Variants in NSD1 observed in about 807,000 individuals in gnomAD.
The protein encoded by NSD1 is histone-lysine N-methyltransferase, H3 lysine-36 specific.
A neutral mutation model predicts 242.7 loss-of-function variants in NSD1; 26 were observed. The ratio of observed to expected loss-of-function variants is 0.11; its 90% CI spans 0.08 to 0.15. The LOEUF (loss-of-function observed/expected upper bound fraction) is 0.15, where lower values mean the gene tolerates loss of function less well. Among genes scored for constraint, NSD1 ranks in the 10% least tolerant of loss-of-function variants. NSD1 has a pLI of 1.00. For missense variants in NSD1, 2,495 were observed against 3,272.8 expected (o/e 0.76, Z 5.80); for synonymous variants, 1,106 against 1,178.1 (o/e 0.94, Z 1.25).
intron 20 of NSD1, chr5:177,288,499 TTTTG>T (rs1759517646): frequency 3.1e-6 from 1 of 321,740 alleles, no homozygotes; most frequent in Non-Finnish European, 6.0e-6. Context: ...ATAAGTTGTT[TTTTG>T]TTTGTTTTGG....
chr5:177,182,588 T>G (rs1760781169), intron 2 of NSD1, among the ~76,000 whole-genome samples: 1 of 152,056 alleles, frequency 6.6e-6, no homozygotes, highest in Non-Finnish European at 1.5e-5. Flanking sequence ...TCTGGCTTTG[T>G]TTTTTCCTCC....
Position 177,267,633 on chromosome 5 carries a change from G to A in NSD1, c.5218G>A (p.Glu1740Lys), listed in dbSNP as rs1341227088. 1.2e-5 allele frequency: 20 copies of A among 1,614,036 alleles called. No homozygotes were observed. Among genetic ancestry groups the A allele is most frequent in the Non-Finnish European group, 1.5e-5 (18 of 1,179,994 alleles). The change falls in exon 15 of 23, where the codon GAA becomes AAA. Residue 1740 changes from glutamate (E) to lysine (K), a missense_variant. Glu to Lys is a moderately conservative substitution (Grantham distance 56, BLOSUM62 1). Coordinates refer to ENST00000439151, the MANE Select transcript of NSD1 (RefSeq NM_022455.5). Reference sequence around the variant, plus strand: ...TGAATGCCTGAACATTGATATCCCTGAAGGAAACTGGTATTGCAATGACTG... The same window carrying A: ...TGAATGCCTGAACATTGATATCCCTAAAGGAAACTGGTATTGCAATGACTG... ...HRECLNIDIPEGNWYCNDCKA... is the reference protein window; with the variant it reads ...HRECLNIDIPKGNWYCNDCKA...
intron 2 of NSD1, among the ~76,000 whole-genome samples, chr5:177,175,063 G>A (rs543183203): frequency 6.6e-6 from 1 of 151,742 alleles, no homozygotes; most frequent in East Asian, 1.9e-4. Context: ...AGTAGAGACG[G>A]GGTTTCACCG....
chr5:177,263,078 G>T (rs1334608320), intron 14 of NSD1, among the ~76,000 whole-genome samples: 1 of 152,184 alleles, frequency 6.6e-6, no homozygotes, highest in Non-Finnish European at 1.5e-5. Flanking sequence ...ACATACTGAT[G>T]TCTCTTATCT....
chr5:177,186,018 A>T (rs1459342997), intron 2 of NSD1, among the ~76,000 whole-genome samples: 5 of 99,986 alleles, frequency 5.0e-5, no homozygotes, highest in East Asian at 2.6e-4. Flanking sequence ...ATTATATATT[A>T]TATATTATAT....
At chr5:177,264,076 G>A (rs552638633) in intron 14 of NSD1, among the ~76,000 whole-genome samples, 5 of 107,814 alleles carry the variant, frequency 4.6e-5, no homozygotes, top group East Asian at 2.5e-4. Context: ...TGGCTGTGTC[G>A]TCAGGCTGGA....
chr5:177,275,461 T>TTTTTA, intron 17 of NSD1, among the ~76,000 whole-genome samples: 1 of 142,450 alleles, frequency 7.0e-6, no homozygotes, highest in African/African-American at 2.6e-5. Context: ...TTTTTTTTTT[T>TTTTTA]GAGATGGAGT....
intron 21 of NSD1, among the ~76,000 whole-genome samples, chr5:177,290,027 CTGT>C (rs1581552298): frequency 2.6e-5 from 4 of 151,564 alleles, no homozygotes; most frequent in Admixed American, 6.6e-5. Flanking sequence ...CAGGGTTTCA[CTGT>C]TGTTAGCCAG....
At chr5:177,214,225 G>A (rs1047826820) in intron 5 of NSD1, among the ~76,000 whole-genome samples, 12 of 152,184 alleles carry the variant, frequency 7.9e-5, no homozygotes, top group Admixed American at 2.6e-4. Flanking sequence ...CCAGCCACTC[G>A]GGAGGCTGAG....
intron 21 of NSD1, 123 bp downstream of exon 21, chr5:177,289,048 G>T (rs1458985429): frequency 2.6e-6 from 2 of 759,706 alleles, no homozygotes; most frequent in South Asian, 1.4e-5. Context: ...AGCCAGGCAT[G>T]GTGGCTCATG....
chr5:177,188,866 C>T (rs564517741), intron 2 of NSD1, among the ~76,000 whole-genome samples: 1 of 152,066 alleles, frequency 6.6e-6, no homozygotes, highest in South Asian at 2.1e-4. Flanking sequence ...GCTTTAACAG[C>T]TTGGGCAACG....
intron 5 of NSD1, among the ~76,000 whole-genome samples, chr5:177,224,325 C>T (rs927788518): frequency 3.3e-5 from 5 of 151,958 alleles, no homozygotes; most frequent in African/African-American, 7.2e-5. Flanking sequence ...CAATTAGATT[C>T]GTCTTTCACT....
In NSD1 at chr5:177,209,679, T is replaced by G. The variant is rs1327161384; in HGVS notation, c.1280T>G (p.Leu427Arg). The G allele has an allele frequency of 1.2e-6, 2 of 1,614,122 alleles. No homozygotes were observed. Among genetic ancestry groups the G allele is most frequent in the Non-Finnish European group, 1.7e-6 (2 of 1,179,972 alleles). The change falls in exon 5 of 23, where the codon CTT becomes CGT. Residue 427 changes from leucine to arginine, a missense_variant. By Grantham distance (102) the Leu-to-Arg change is moderately radical. Transcript: ENST00000439151. ...AGTAAATGGGAAGCCAGTGTTGGAC[T>G]TGCAGAACAGTATGATGTTCCCAAG... Reference protein sequence around the residue: ...ILSKWEASVGLAEQYDVPKGS... With the variant: ...ILSKWEASVGRAEQYDVPKGS...
At chr5:177,138,231 CTT>C (rs1756510654) in intron 2 of NSD1, among the ~76,000 whole-genome samples, 3 of 152,044 alleles carry the variant, frequency 2.0e-5, no homozygotes, top group Admixed American at 2.0e-4. Context: ...TGCTCAAAGA[CTT>C]TATCACCTTG....
At chr5:177,141,363 C>T (rs1756805688) in intron 2 of NSD1, among the ~76,000 whole-genome samples, 1 of 108,000 alleles carries the variant, frequency 9.3e-6, no homozygotes, top group South Asian at 3.4e-4. Context: ...TGAATTCTTG[C>T]TCTGTTGCCC....
chr5:177,132,503 T>A (rs1193493622), upstream of NSD1, among the ~76,000 whole-genome samples: 1 of 151,458 alleles, frequency 6.6e-6, no homozygotes, highest in African/African-American at 2.4e-5. This position sits in a 1 kb window ranked among gnomAD's most constrained non-coding sequence, Gnocchi z 7.5. Flanking sequence ...GGCGTTCCCC[T>A]CGCCCCGCCC....
chr5:177,269,892 C>A lies in NSD1; in HGVS notation c.5509+85C>A. On this transcript the variant is annotated intron_variant, in intron 16 of 22. Transcript: ENST00000439151. This position sits in a 1 kb window ranked among gnomAD's most constrained non-coding sequence, Gnocchi z 5.1. Reference sequence around the variant, plus strand: ...TCTGTTTTAGAATTCACATATGCTCCATTTTGAAACTGCCTTTGTCCTCTC... The same window carrying A: ...TCTGTTTTAGAATTCACATATGCTCAATTTTGAAACTGCCTTTGTCCTCTC... 1 of 1,180,280 alleles carries A rather than the reference C, an allele frequency of 8.5e-7. No homozygotes were observed. 73.1% of individuals were successfully genotyped at this position (1,180,280 alleles called of 1,614,324 possible). A position where few individuals can be genotyped will look rare whatever the true frequency, so the allele number is the denominator to read the frequency against.
At chr5:177,170,179 A>G (rs999118790) in intron 2 of NSD1, among the ~76,000 whole-genome samples, 2 of 150,230 alleles carry the variant, frequency 1.3e-5, no homozygotes, top group Admixed American at 6.7e-5. Context: ...TCACCGTGTT[A>G]GCCAGGATGG....
chr5:177,268,181 T>A (rs1757663674), intron 15 of NSD1, among the ~76,000 whole-genome samples: 1 of 151,852 alleles, frequency 6.6e-6, no homozygotes, highest in East Asian at 1.9e-4. Flanking sequence ...TGATCATTGC[T>A]CACTGCAACT....
Sources: gnomAD v4.1 joint callset for allele counts (sites outside exome capture counted in the v4.1 genomes callset) on GRCh38, gnomAD v4.1.1 for gene constraint, Gnocchi (gnomAD v3.1) non-coding constraint, MANE v1.5 for transcripts, NCBI Gene and HGNC (gene_info 2026-07-23, HGNC 2026-07-21) for gene names.